The following PEX5 variants were observed in gnomAD, a reference collection of about 807,000 sequenced individuals.
PEX5 encodes the protein peroxisomal biogenesis factor 5.
A neutral mutation model predicts 82.9 loss-of-function variants in PEX5; 52 were observed. The observed-to-expected ratio is 0.63, with a 90% CI of 0.50 to 0.79. PEX5 has a LOEUF of 0.79. PEX5 is among the 30% of genes least tolerant of loss of function. PEX5 has a pLI of 0.00. For missense variants in PEX5, 719 were observed against 815.2 expected, an observed-to-expected ratio of 0.88 and a Z score of 1.44; for synonymous variants, 300 against 318.8, an observed-to-expected ratio of 0.94 and a Z score of 0.63.
At position 7,189,708 on chromosome 12, in the gene PEX5, A is replaced by G. The variant is rs1055315232; in HGVS notation, c.-59A>G. On this transcript the variant is annotated 5_prime_UTR_variant, in exon 1 of 16. Transcript: ENST00000675855. Reference sequence around the variant, plus strand: ...CCCCTCTTCTCCCCTCCCCCAAGCCAGCACCTGGTGCCCCGGCGGGTCGTG... The same window carrying G: ...CCCCTCTTCTCCCCTCCCCCAAGCCGGCACCTGGTGCCCCGGCGGGTCGTG... 5 of 326,914 alleles carry G rather than the reference A, an allele frequency of 1.5e-5. No homozygotes were observed. The highest frequency in any genetic ancestry group is 5.1e-5 in the East Asian group (1 of 19,614). 20.3% of individuals were successfully genotyped at this position (326,914 alleles called of 1,614,324 possible).
At chr12:7,197,753 C>T (rs908395199) in intron 5 of PEX5, among the ~76,000 whole-genome samples, 6 of 151,966 alleles carry the variant, frequency 3.9e-5, no homozygotes, top group African/African-American at 4.8e-5. Context: ...CAAGGGTGGT[C>T]AGATCTTGAA....
chr12:7,212,651 G>T (rs910663202), downstream of PEX5: 1 of 152,088 alleles, frequency 6.6e-6, no homozygotes, highest in Non-Finnish European at 1.5e-5. Flanking sequence ...TTTACAGATT[G>T]TCTTAAGAAA....
At chr12:7,207,121 C>A (rs755427009) in intron 10 of PEX5, among the ~76,000 whole-genome samples, 1 of 151,938 alleles carries the variant, frequency 6.6e-6, no homozygotes, top group Non-Finnish European at 1.5e-5. Context: ...AGAATGAAAT[C>A]GGGGAATAAA....
At chr12:7,201,292 TATACACAC>T (rs1174237961) in intron 6 of PEX5, among the ~76,000 whole-genome samples, 12 of 104,666 alleles carry the variant, frequency 1.1e-4, no homozygotes, top group Admixed American at 1.3e-4. Context: ...GACATACATG[TATACACAC>T]ATACACATAC....
downstream of PEX5, among the ~76,000 whole-genome samples, chr12:7,214,369 C>A (rs896665136): frequency 5.1e-4 from 77 of 151,998 alleles, no homozygotes; most frequent in African/African-American, 1.8e-3. Flanking sequence ...CACATATACA[C>A]CATGGAATAC....
rs143600154 is a variant in PEX5 at position 7,210,176 on chromosome 12, G to A, written c.1873G>A (p.Ala625Thr). The change falls in exon 16 of 16, where the codon GCG becomes ACG. Residue 625 changes from alanine to threonine, a missense_variant. Transcript: ENST00000675855. The part of the protein sequence containing the change: ...GQSDAYGAAD[A>T]RDLSTLLTMF... ...GAGCGATGCCTATGGGGCAGCCGAC[G>A]CGCGGGATCTGTCCACCCTCCTAAC... 118 of 1,614,100 alleles carry A rather than the reference G, an allele frequency of 7.3e-5. 3 individuals carry two copies. The South Asian group carries it at 9.7e-4, about 13-fold the overall frequency.
chr12:7,201,187 G>GCA (rs1943914315), intron 6 of PEX5, among the ~76,000 whole-genome samples: 1 of 143,100 alleles, frequency 7.0e-6, no homozygotes, highest in Non-Finnish European at 1.5e-5. Flanking sequence ...ATGTACACAC[G>GCA]CATACATACA....
chr12:7,202,814 A>G, intron 9 of PEX5, 110 bp downstream of exon 9: 4 of 845,146 alleles, frequency 4.7e-6, no homozygotes, highest in Non-Finnish European at 6.0e-6. Flanking sequence ...GTGGACCTGG[A>G]TCATCTGTGT....
chr12:7,189,506 C>G (rs1345883128), upstream of PEX5: 1 of 163,386 alleles, frequency 6.1e-6, no homozygotes, highest in Non-Finnish European at 1.3e-5. Context: ...CTCCTAAAGG[C>G]GACTCTCCAA....
rs767049899 is a variant in PEX5, at chr12:7,208,444, C to T, written c.1182-13C>T. 17 of 1,603,886 alleles carry T rather than the reference C, an allele frequency of 1.1e-5. No individual in the cohort carries two copies. Among genetic ancestry groups the T allele is most frequent in the African/African-American group, 2.7e-5 (2 of 74,716 alleles). ...ATTGCAGATATCAAGTCTGCCCATC[C>T]CTGATCAAACAGGTGTCTGGAGCTA... On this transcript the variant is annotated splice_polypyrimidine_tract_variant and intron_variant, in intron 12 of 15. Coordinates refer to ENST00000675855, the MANE Select transcript of PEX5 (RefSeq NM_001351132.2).
rs759334733 is a variant in PEX5, at chr12:7,209,758, C to T, written c.1636C>T (p.Arg546Cys). Residue 546 changes from arginine (R) to cysteine (C), a missense_variant, in exon 15 of 16, where the codon CGC (arginine) becomes TGC (cysteine). Transcript: ENST00000675855. Reference protein sequence around the residue: ...NQSEEAVAAYRRALELQPGYI... With the variant: ...NQSEEAVAAYCRALELQPGYI... ...GAGTGAAGAAGCAGTAGCTGCGTACCGCCGGGCCCTCGAGCTCCAGCCTGG... is the reference window on the plus strand; with the variant it reads ...GAGTGAAGAAGCAGTAGCTGCGTACTGCCGGGCCCTCGAGCTCCAGCCTGG... 141 of 1,584,700 alleles carry T rather than the reference C, an allele frequency of 8.9e-5. No individual in the cohort carries two copies. Among genetic ancestry groups the T allele is most frequent in the Middle Eastern group, 5.0e-4 (3 of 6,014 alleles).
intron 3 of PEX5, 71 bp downstream of exon 3, chr12:7,190,994 C>A (rs906075201): frequency 7.6e-6 from 11 of 1,442,508 alleles, no homozygotes; most frequent in African/African-American, 5.6e-5. Context: ...AAACTTAGTT[C>A]ACCCGTATTT....
At chr12:7,199,179 A>T in intron 6 of PEX5, 66 bp downstream of exon 6, 1 of 835,268 alleles carries the variant, frequency 1.2e-6, no homozygotes, top group Non-Finnish European at 2.0e-6. Context: ...AGCCTCCTCC[A>T]TCCACGTTCT....
intron 1 of PEX5, chr12:7,189,952 C>T (rs2135865043): frequency 6.7e-7 from 1 of 1,490,648 alleles, no homozygotes. Flanking sequence ...CTGCCGTGCT[C>T]ACCGCGTGCT....
intron 5 of PEX5, among the ~76,000 whole-genome samples, chr12:7,192,257 C>T (rs954749458): frequency 3.3e-5 from 5 of 152,124 alleles, no homozygotes; most frequent in Admixed American, 6.6e-5. Flanking sequence ...TGTTTTTAGA[C>T]CTAGTTTAAA....
At chr12:7,205,673 C>A (rs1471593470) in intron 10 of PEX5, among the ~76,000 whole-genome samples, 2 of 152,052 alleles carry the variant, frequency 1.3e-5, no homozygotes, top group Non-Finnish European at 2.9e-5. Flanking sequence ...TTGAGGGATC[C>A]CCCAGAGTAC....
Position 7,202,253 on chromosome 12 carries a change from G to C in PEX5, c.655G>C (p.Val219Leu). ...CTCTGTGCCCCAGTTCCTGAAATTCGTGCGGCAGATTGGCGAAGGGCAGGT... is the reference window on the plus strand; with the variant it reads ...CTCTGTGCCCCAGTTCCTGAAATTCCTGCGGCAGATTGGCGAAGGGCAGGT... Reference protein sequence around the residue: ...KLANSEFLKFVRQIGEGQVSL... With the variant: ...KLANSEFLKFLRQIGEGQVSL... Residue 219 changes from valine to leucine, a missense_variant, in exon 8 of 16, where the codon GTG becomes CTG. Val to Leu is a conservative substitution (Grantham distance 32). Transcript: ENST00000675855. 6.2e-7 allele frequency: 1 copy of C among 1,614,078 alleles called. No individual in the cohort carries two copies. Among genetic ancestry groups the C allele is most frequent in the Non-Finnish European group, 8.5e-7 (1 of 1,180,018 alleles).
intron 1 of PEX5, 73 bp from the exon 2 acceptor site, chr12:7,190,289 A>G: frequency 6.3e-7 from 1 of 1,598,854 alleles, no homozygotes; most frequent in South Asian, 1.1e-5. Flanking sequence ...CCTTCCTCAG[A>G]TACGGGCAGA....
At chr12:7,199,686 T>C in intron 6 of PEX5, among the ~76,000 whole-genome samples, 1 of 150,322 alleles carries the variant, frequency 6.7e-6, no homozygotes, top group Non-Finnish European at 1.5e-5. Context: ...AAACCGCCAT[T>C]GTCATCATGG....
Sources: allele counts gnomAD v4.1 joint callset (sites outside exome capture counted in the v4.1 genomes callset), GRCh38; gene constraint gnomAD v4.1.1; transcripts MANE v1.5; gene names NCBI Gene and HGNC (gene_info 2026-07-23, HGNC 2026-07-21).